Variants in RTN1 observed in about 807,000 individuals in gnomAD.
RTN1 encodes reticulon-1.
RTN1 carries 25 observed loss-of-function variants against 65.5 expected under a neutral mutation model. That is an observed-to-expected ratio of 0.38 (90% CI 0.28 to 0.53). The LOEUF (loss-of-function observed/expected upper bound fraction) is 0.53. Among genes scored for constraint, RTN1 ranks in the 20% least tolerant of loss-of-function variants. The probability of loss-of-function intolerance (pLI) is 0.79; values close to 1 mark genes in which losing one functional copy is unlikely to be tolerated. For synonymous variants in RTN1, 471 were observed against 447.6 expected (o/e 1.05, Z -0.66); for missense variants, 983 against 1,025.4 (o/e 0.96, Z 0.57).
chr14:59,798,310 C>T (rs1263729362), intron 1 of RTN1, among the ~76,000 whole-genome samples: 2 of 152,138 alleles, frequency 1.3e-5, no homozygotes, highest in Non-Finnish European at 1.5e-5. Flanking sequence ...CAAGTTATAT[C>T]AGCTTATAAC....
chr14:59,613,282 A>C (rs560280894), intron 3 of RTN1, among the ~76,000 whole-genome samples: 3 of 152,240 alleles, frequency 2.0e-5, no homozygotes, highest in African/African-American at 7.2e-5. Flanking sequence ...AAAAGTGGAT[A>C]AACAAGCTAT....
At chr14:59,813,394 T>C (rs984476175) in intron 1 of RTN1, among the ~76,000 whole-genome samples, 1 of 152,158 alleles carries the variant, frequency 6.6e-6, no homozygotes, top group African/African-American at 2.4e-5. Context: ...TCAAGGGAAA[T>C]AAAGTTTACT....
intron 1 of RTN1, among the ~76,000 whole-genome samples, chr14:59,805,744 T>C (rs1200309889): frequency 6.6e-6 from 1 of 152,112 alleles, no homozygotes; most frequent in Non-Finnish European, 1.5e-5. Context: ...TTTTTATAAT[T>C]TAAAGAAAAT....
chr14:59,720,610 C>A (rs1356345079), intron 3 of RTN1, among the ~76,000 whole-genome samples: 1 of 151,868 alleles, frequency 6.6e-6, no homozygotes, highest in Non-Finnish European at 1.5e-5. Flanking sequence ...GTAGTCCCAA[C>A]TACTCAGTAG....
chr14:59,814,385 T>C (rs1886782529), intron 1 of RTN1, among the ~76,000 whole-genome samples: 1 of 152,208 alleles, frequency 6.6e-6, no homozygotes. Context: ...GATTGCATAT[T>C]GGCAGTGAGG....
chr14:59,629,872 C>G (rs752645255), intron 3 of RTN1, among the ~76,000 whole-genome samples: 4 of 152,144 alleles, frequency 2.6e-5, no homozygotes, highest in Non-Finnish European at 4.4e-5. Context: ...GAAAAAAACC[C>G]CAAATATTTC....
chr14:59,660,755 T>C (rs913538745), intron 3 of RTN1, among the ~76,000 whole-genome samples: 6 of 152,184 alleles, frequency 3.9e-5, no homozygotes, highest in South Asian at 4.1e-4. Flanking sequence ...GGGAAATTTA[T>C]AGCACTAAAT....
At chr14:59,722,892 G>T (rs1008327533) in intron 3 of RTN1, among the ~76,000 whole-genome samples, 2 of 151,622 alleles carry the variant, frequency 1.3e-5, no homozygotes, top group Non-Finnish European at 2.9e-5. Flanking sequence ...CGACCTCCTG[G>T]GCTCAAGTGA....
intron 3 of RTN1, among the ~76,000 whole-genome samples, chr14:59,670,748 T>C (rs779542618): frequency 6.6e-6 from 1 of 152,190 alleles, no homozygotes; most frequent in Admixed American, 6.5e-5. Flanking sequence ...AGTGTTAATA[T>C]AGTAACTCAT....
rs779286207 is a variant in RTN1, at chr14:59,745,854, G to A, written c.869C>T (p.Pro290Leu). 1.2e-6 allele frequency: 2 copies of A among 1,614,084 alleles called. No homozygotes were observed. Among genetic ancestry groups the A allele is most frequent in the South Asian group, 1.1e-5 (1 of 91,066 alleles). Residue 290 changes from proline (P) to leucine (L), a missense_variant, in exon 2 of 9, where the codon CCT becomes CTT. Around this residue, in one of 2 missense-constraint regions of RTN1, gnomAD observed 818 missense variants for 801.8 expected, o/e 1.02. Coordinates refer to ENST00000267484, the MANE Select transcript of RTN1 (RefSeq NM_021136.3). ...CTCTTGGGTAGTGGTTTCAACAGAA[G>A]GTTCTATTTCCGTCAGTGTGATTTT... The part of the protein sequence containing the change: ...PVKITLTEIE[P>L]SVETTTQEKT...
At chr14:59,668,076 T>C (rs1036573891) in intron 3 of RTN1, among the ~76,000 whole-genome samples, 6 of 152,024 alleles carry the variant, frequency 3.9e-5, no homozygotes, top group Non-Finnish European at 5.9e-5. Context: ...CTAACATTGA[T>C]TTTCTTCACA....
intron 3 of RTN1, among the ~76,000 whole-genome samples, chr14:59,635,822 A>T (rs1048533245): frequency 1.2e-4 from 18 of 152,200 alleles, no homozygotes; most frequent in Non-Finnish European, 5.9e-5. Context: ...AGGTTCTTGG[A>T]AACTGCAACT....
At chr14:59,709,422 C>G (rs531546362) in intron 3 of RTN1, among the ~76,000 whole-genome samples, 1 of 152,180 alleles carries the variant, frequency 6.6e-6, no homozygotes, top group South Asian at 2.1e-4. Flanking sequence ...CTTACCTTGT[C>G]TTCTTTAAAG....
chr14:59,817,094 C>A (rs771766999), intron 1 of RTN1, among the ~76,000 whole-genome samples: 6 of 151,300 alleles, frequency 4.0e-5, no homozygotes, highest in Non-Finnish European at 8.8e-5. Context: ...TTTTTTCCTA[C>A]TTATTCAGGA....
intron 3 of RTN1, among the ~76,000 whole-genome samples, chr14:59,657,814 C>A (rs888598081): frequency 2.0e-5 from 3 of 151,956 alleles, no homozygotes; most frequent in African/African-American, 7.3e-5. Flanking sequence ...CAAAACTGGA[C>A]AGCCATTTGG....
At chr14:59,691,065 A>T (rs1054137230) in intron 3 of RTN1, among the ~76,000 whole-genome samples, 15 of 152,116 alleles carry the variant, frequency 9.9e-5, no homozygotes, top group Non-Finnish European at 1.5e-5. Flanking sequence ...AAGCTAGAAG[A>T]GGAAAAGAAA....
At chr14:59,689,671 A>G (rs1394601439) in intron 3 of RTN1, among the ~76,000 whole-genome samples, 1 of 152,216 alleles carries the variant, frequency 6.6e-6, no homozygotes, top group Non-Finnish European at 1.5e-5. Flanking sequence ...CTTAGAGAAA[A>G]GAAATTCCAA....
At chr14:59,807,388 G>A (rs2139608278) in intron 1 of RTN1, among the ~76,000 whole-genome samples, 1 of 152,294 alleles carries the variant, frequency 6.6e-6, no homozygotes, top group South Asian at 2.1e-4. Context: ...AACTGCAGAG[G>A]AAAGCTCTTT....
Position 59,870,350 on chromosome 14 carries a change from G to A in RTN1, c.241+40C>T. 1 of 1,455,912 alleles carries A rather than the reference G, an allele frequency of 6.9e-7. No homozygotes were observed. 90.2% of individuals were successfully genotyped at this position (1,455,912 alleles called of 1,614,324 possible). ...GAAGGGGACTGACTGGGGGGCCCTG[G>A]TCCCCGACGCCATTTGAGGGGCAGC... On this transcript the variant is annotated intron_variant, in intron 1 of 8. Coordinates refer to ENST00000267484, the MANE Select transcript of RTN1 (RefSeq NM_021136.3). This position sits in a 1 kb window ranked among gnomAD's most constrained non-coding sequence, Gnocchi z 5.1.
Sources: allele counts gnomAD v4.1 joint callset (sites outside exome capture counted in the v4.1 genomes callset), GRCh38; gene constraint gnomAD v4.1.1; regional missense constraint gnomAD v4.1.1; non-coding constraint Gnocchi (gnomAD v3.1); transcripts MANE v1.5; gene names NCBI Gene and HGNC (gene_info 2026-07-23, HGNC 2026-07-21).